The following ADAMTSL1 variants were observed in gnomAD, a reference collection of about 807,000 sequenced individuals.
ADAMTSL1 encodes ADAMTS like 1.
ADAMTSL1 carries 126 observed loss-of-function variants against 201.8 expected under a neutral mutation model. The observed-to-expected ratio is 0.62, with a 90% CI of 0.54 to 0.72. The LOEUF is 0.72. ADAMTSL1 is among the 30% of genes least tolerant of loss of function. ADAMTSL1 has a pLI of 0.00. For missense variants in ADAMTSL1, 2,679 were observed against 2,277.8 expected (o/e 1.18, Z -3.59); for synonymous variants, 1,121 against 903.4 (o/e 1.24, Z -4.32).
At chr9:18,877,387 G>T (rs113724887) in intron 23 of ADAMTSL1, among the ~76,000 whole-genome samples, 1 of 152,104 alleles carries the variant, frequency 6.6e-6, no homozygotes, top group African/African-American at 2.4e-5. Context: ...GGGGCTCAAG[G>T]GCTGCTGTTG....
At chr9:18,030,387 G>A (rs1331743279) in intron 1 of ADAMTSL1, among the ~76,000 whole-genome samples, 1 of 151,982 alleles carries the variant, frequency 6.6e-6, no homozygotes, top group Non-Finnish European at 1.5e-5. Context: ...TCACACACCG[G>A]GGACTGTTGT....
intron 2 of ADAMTSL1, among the ~76,000 whole-genome samples, chr9:18,190,544 C>T (rs964703104): frequency 2.0e-5 from 3 of 152,060 alleles, no homozygotes; most frequent in Non-Finnish European, 4.4e-5. Flanking sequence ...ATTGATTGTT[C>T]CCAAACTGGG....
chr9:18,519,388 T>C (rs1818549620), intron 2 of ADAMTSL1, among the ~76,000 whole-genome samples: 1 of 152,154 alleles, frequency 6.6e-6, no homozygotes, highest in African/African-American at 2.4e-5. Context: ...AATCGCAAAG[T>C]CTCCTTTCTC....
At chr9:18,841,923 TCTC>T (rs1297415219) in intron 23 of ADAMTSL1, among the ~76,000 whole-genome samples, 3 of 152,090 alleles carry the variant, frequency 2.0e-5, no homozygotes, top group African/African-American at 7.2e-5. Context: ...TTGATTCTTC[TCTC>T]TTTTCTTCTT....
Position 18,706,566 on chromosome 9 carries a change from C to T in ADAMTSL1, c.1575-181C>T, listed in dbSNP as rs200508640. 5.4e-4 allele frequency: 328 copies of T among 604,238 alleles called. 2 individuals carry two copies. In the African/African-American group the frequency reaches 5.6e-3, roughly 10 times the overall value. The allele number at this position is 604,238 out of a possible 1,614,324, so 37.4% of individuals were successfully genotyped here. ...ATTCATGAAGCAAGCAACCCAGAAA[C>T]AGTGGCAAAATCGCTTATGAACTAA... On this transcript the variant is annotated intron_variant, in intron 13 of 28. Coordinates refer to ENST00000380548, the MANE Select transcript of ADAMTSL1 (RefSeq NM_001040272.6).
chr9:18,084,420 G>C (rs1228578986), intron 1 of ADAMTSL1, among the ~76,000 whole-genome samples: 1 of 151,958 alleles, frequency 6.6e-6, no homozygotes, highest in African/African-American at 2.4e-5. Flanking sequence ...TACTTAGGAG[G>C]CTGAGACAGG....
intron 20 of ADAMTSL1, among the ~76,000 whole-genome samples, chr9:18,795,926 G>T (rs1822392975): frequency 6.6e-6 from 1 of 152,224 alleles, no homozygotes; most frequent in South Asian, 2.1e-4. Context: ...TTGCAAGAAA[G>T]ACTACGACCC....
At chr9:18,685,072 G>T (rs575373439) in intron 13 of ADAMTSL1, 2 of 929,700 alleles carry the variant, frequency 2.2e-6, no homozygotes, top group Non-Finnish European at 2.7e-6. Flanking sequence ...TCTTCTCTGC[G>T]CAAGGGGCCA....
chr9:18,014,881 G>T (rs917208211), intron 1 of ADAMTSL1, among the ~76,000 whole-genome samples: 1 of 151,922 alleles, frequency 6.6e-6, no homozygotes, highest in African/African-American at 2.4e-5. Context: ...TACTCTGTGG[G>T]GGCTCCCCTT....
At chr9:18,092,284 G>A (rs1824057148) in intron 1 of ADAMTSL1, among the ~76,000 whole-genome samples, 1 of 152,158 alleles carries the variant, frequency 6.6e-6, no homozygotes, top group Non-Finnish European at 1.5e-5. Context: ...GGCTGTGAGA[G>A]CACAGGAGAG....
chr9:17,963,922 C>G (rs933209304), intron 1 of ADAMTSL1, among the ~76,000 whole-genome samples: 4 of 152,244 alleles, frequency 2.6e-5, no homozygotes, highest in African/African-American at 9.6e-5. Flanking sequence ...CTTTCCAATT[C>G]TCCTCAATTA....
At chr9:18,498,339 T>C (rs72688617) in intron 1 of ADAMTSL1, among the ~76,000 whole-genome samples, 2,766 of 139,124 alleles carry the variant, frequency 0.02, 73 homozygotes, top group East Asian at 0.12. Context: ...CCCCACCCCC[T>C]TTTTTTTTTT....
intron 3 of ADAMTSL1, among the ~76,000 whole-genome samples, chr9:18,537,942 GGAA>G (rs935889133): frequency 6.3e-5 from 9 of 142,756 alleles, no homozygotes; most frequent in Admixed American, 1.4e-4. Context: ...AGGAGGAAGA[GGAA>G]GAAGAAGAAG....
At chr9:18,067,678 C>T (rs967333551) in intron 1 of ADAMTSL1, among the ~76,000 whole-genome samples, 3 of 152,150 alleles carry the variant, frequency 2.0e-5, no homozygotes, top group Non-Finnish European at 2.9e-5. Context: ...AGAGAGCTGT[C>T]GGCAGCACTA....
At chr9:18,583,738 C>A (rs539006463) in intron 4 of ADAMTSL1, among the ~76,000 whole-genome samples, 1 of 152,310 alleles carries the variant, frequency 6.6e-6, no homozygotes, top group Non-Finnish European at 1.5e-5. Flanking sequence ...TGGGGACCCA[C>A]CTCTTGCATC....
intron 2 of ADAMTSL1, among the ~76,000 whole-genome samples, chr9:18,266,172 C>T (rs1832111132): frequency 6.6e-6 from 1 of 152,236 alleles, no homozygotes; most frequent in Admixed American, 6.5e-5. Context: ...ATACACTTCT[C>T]ATTGTCTTGC....
intron 1 of ADAMTSL1, among the ~76,000 whole-genome samples, chr9:18,066,646 C>T (rs982840568): frequency 1.3e-5 from 2 of 152,078 alleles, no homozygotes; most frequent in Admixed American, 6.6e-5. Context: ...ATTTAAACAG[C>T]AATTCTAGGT....
chr9:18,701,020 A>G (rs1348224279), intron 13 of ADAMTSL1, among the ~76,000 whole-genome samples: 1 of 152,196 alleles, frequency 6.6e-6, no homozygotes, highest in Non-Finnish European at 1.5e-5. Context: ...GTCTAGCTAC[A>G]GGGCAACAAT....
intron 2 of ADAMTSL1, among the ~76,000 whole-genome samples, chr9:18,278,855 CT>C (rs959645155): frequency 6.6e-6 from 1 of 151,954 alleles, no homozygotes; most frequent in African/African-American, 2.4e-5. Flanking sequence ...TTCTTTCTCT[CT>C]TTTTTCCCTT....
Sources: allele counts gnomAD v4.1 joint callset (sites outside exome capture counted in the v4.1 genomes callset), GRCh38; gene constraint gnomAD v4.1.1; transcripts MANE v1.5; gene names NCBI Gene and HGNC (gene_info 2026-07-23, HGNC 2026-07-21).